The following ESRRB variants were observed in gnomAD, a reference collection of about 807,000 sequenced individuals.
The protein encoded by ESRRB is estrogen related receptor beta.
Under a neutral mutation model 46.0 loss-of-function variants are expected in ESRRB, and 16 were observed. The ratio of observed to expected loss-of-function variants is 0.35; its 90% CI spans 0.24 to 0.53. ESRRB has a LOEUF of 0.53. Among genes scored for constraint, ESRRB ranks in the 20% least tolerant of loss-of-function variants. The probability of loss-of-function intolerance (pLI) is 0.93; values close to 1 mark genes in which losing one functional copy is unlikely to be tolerated. For missense variants in ESRRB, 488 were observed against 607.4 expected, an observed-to-expected ratio of 0.80 and a Z score of 2.07; for synonymous variants, 246 against 259.6, an observed-to-expected ratio of 0.95 and a Z score of 0.50.
intron 1 of ESRRB, among the ~76,000 whole-genome samples, chr14:76,365,885 T>G (rs1013439190): frequency 6.6e-6 from 1 of 152,200 alleles, no homozygotes; most frequent in South Asian, 2.1e-4. Flanking sequence ...TAAGTCTTGC[T>G]TTTCCATTCT....
intron 3 of ESRRB, chr14:76,463,516 G>A (rs112565973): frequency 5.1e-4 from 73 of 144,458 alleles, no homozygotes; most frequent in African/African-American, 1.9e-3. Flanking sequence ...GCGCAATCTC[G>A]GCTCACTGCA....
intron 2 of ESRRB, among the ~76,000 whole-genome samples, chr14:76,441,925 A>G (rs1407496702): frequency 1.3e-5 from 2 of 152,226 alleles, no homozygotes; most frequent in African/African-American, 4.8e-5. Flanking sequence ...TAGAAGAGGC[A>G]GGCTAAGCTT....
intron 1 of ESRRB, among the ~76,000 whole-genome samples, chr14:76,327,876 G>A (rs909821653): frequency 2.0e-5 from 3 of 151,320 alleles, no homozygotes; most frequent in African/African-American, 4.9e-5. Context: ...GCTAATTTTC[G>A]TAATTTTTTT....
In ESRRB at chr14:76,484,746, A is replaced by G. The variant is rs376008948; in HGVS notation, c.850+1987A>G. 2.6e-4 allele frequency among the ~76,000 whole-genome samples: 39 copies of G among 152,358 alleles called. No individual in the cohort carries two copies. In the South Asian group the frequency reaches 8.1e-3, roughly 32 times the overall value. ...CCAACCAAGAGGGCATGGCTAGAGC[A>G]GAGTGAGTGCTAAAGGCATAGACTT... On this transcript the variant is annotated intron_variant, in intron 5 of 6. Transcript: ENST00000644823.
Position 76,499,717 on chromosome 14 carries a change from C to T in ESRRB, c.*1259C>T, listed in dbSNP as rs553609925. The T allele has an allele frequency of 3.7e-5, 28 of 755,660 alleles. 1 individual carries two copies. In the South Asian group the frequency reaches 3.8e-4, roughly 10 times the overall value. 46.8% of individuals were successfully genotyped at this position (755,660 alleles called of 1,614,324 possible). A position where few individuals can be genotyped will look rare whatever the true frequency, so the allele number is the denominator to read the frequency against. On this transcript the variant is annotated 3_prime_UTR_variant, in exon 7 of 7. Coordinates refer to ENST00000644823, the MANE Select transcript of ESRRB (RefSeq NM_001379180.1). Reference sequence around the variant, plus strand: ...CTGGCTGTGCCAGGTAACCAACCGTCTTGGTTTGTCCAGGACGTTTCTTTA... The same window carrying T: ...CTGGCTGTGCCAGGTAACCAACCGTTTTGGTTTGTCCAGGACGTTTCTTTA...
intron 1 of ESRRB, among the ~76,000 whole-genome samples, chr14:76,418,684 G>A (rs1478094936): frequency 2.0e-5 from 3 of 152,050 alleles, no homozygotes; most frequent in East Asian, 1.9e-4. Flanking sequence ...GAGCGATCTC[G>A]GCTCACTATA....
intron 3 of ESRRB, among the ~76,000 whole-genome samples, chr14:76,469,933 T>G (rs1443328090): frequency 6.4e-4 from 86 of 134,558 alleles, no homozygotes; most frequent in African/African-American, 1.6e-3. Flanking sequence ...TTTGTTGTTT[T>G]TTTTTTTTTT....
intron 1 of ESRRB, among the ~76,000 whole-genome samples, chr14:76,379,446 T>C (rs900350774): frequency 1.5e-4 from 23 of 152,112 alleles, no homozygotes; most frequent in South Asian, 8.3e-4. Context: ...GTAGGAAAAA[T>C]GCCACATGGT....
At chr14:76,373,340 C>G (rs1884668337), upstream of ESRRB, among the ~76,000 whole-genome samples, 1 of 152,136 alleles carries the variant, frequency 6.6e-6, no homozygotes, top group Non-Finnish European at 1.5e-5. Context: ...CCACCCCACT[C>G]CACCCCTGTA....
At chr14:76,369,853 T>A (rs1884578258), upstream of ESRRB, among the ~76,000 whole-genome samples, 1 of 152,198 alleles carries the variant, frequency 6.6e-6, no homozygotes, top group Admixed American at 6.5e-5. Context: ...AGAATTAATT[T>A]TCCGAAAGTT....
At chr14:76,483,075 G>C (rs983796029) in intron 5 of ESRRB, among the ~76,000 whole-genome samples, 1 of 152,204 alleles carries the variant, frequency 6.6e-6, no homozygotes, top group Non-Finnish European at 1.5e-5. Flanking sequence ...AAAGGGCAAA[G>C]AGTAGGGTTT....
chr14:76,437,163 C>G (rs1382360878), intron 1 of ESRRB, among the ~76,000 whole-genome samples: 1 of 152,134 alleles, frequency 6.6e-6, no homozygotes, highest in Non-Finnish European at 1.5e-5. Context: ...TCCCGAGTAG[C>G]TGGGACTACA....
At chr14:76,398,672 C>T (rs1885803511) in intron 1 of ESRRB, among the ~76,000 whole-genome samples, 1 of 152,144 alleles carries the variant, frequency 6.6e-6, no homozygotes, top group Non-Finnish European at 1.5e-5. Context: ...GGCTGGTTGG[C>T]ATTGGGCATT....
In ESRRB at chr14:76,387,644, G is replaced by T. The variant is rs551336821; in HGVS notation, c.50+11193G>T. On this transcript the variant is annotated intron_variant, in intron 1 of 6. Transcript: ENST00000644823. ...CGTGGCTTGCCTGACCTCCAGACGG[G>T]CTGGAAAGTGCTCAGGTCTGATTCA... is the stretch of plus-strand genomic sequence containing the variant. 8.5e-4 allele frequency among the ~76,000 whole-genome samples: 129 copies of T among 152,318 alleles called. 1 individual carries two copies. The highest frequency in any genetic ancestry group is 3.0e-3 in the African/African-American group (125 of 41,568).
intron 1 of ESRRB, among the ~76,000 whole-genome samples, chr14:76,382,203 G>A (rs1279123876): frequency 2.6e-5 from 4 of 152,342 alleles, no homozygotes; most frequent in South Asian, 4.1e-4. Flanking sequence ...TTAAGATGGG[G>A]TGACAGTGGA....
chr14:76,477,497 T>C (rs1306620456), intron 3 of ESRRB, among the ~76,000 whole-genome samples: 1 of 152,180 alleles, frequency 6.6e-6, no homozygotes, highest in Non-Finnish European at 1.5e-5. Context: ...GCAGAGTTGG[T>C]TTTACCATCG....
At chr14:76,320,454 C>T (rs571429505) in intron 1 of ESRRB, among the ~76,000 whole-genome samples, 1 of 152,194 alleles carries the variant, frequency 6.6e-6, no homozygotes. Context: ...TTCTCCTGTG[C>T]CCCCCTGGGC....
Position 76,493,222 on chromosome 14 carries a change from T to C in ESRRB, c.1120+1506T>C, listed in dbSNP as rs373150305. Among the ~76,000 whole-genome samples, 14 of 152,318 alleles carry C rather than the reference T, an allele frequency of 9.2e-5. No homozygotes were observed. In the South Asian group the frequency reaches 1.7e-3, roughly 18 times the overall value. On this transcript the variant is annotated intron_variant, in intron 6 of 6. Transcript: ENST00000644823. ...TGGGCTGGCGTGCAGCGATGCAATCTCGGCTCACTGCAACCTCTGCCTCCC... is the reference window on the plus strand; with the variant it reads ...TGGGCTGGCGTGCAGCGATGCAATCCCGGCTCACTGCAACCTCTGCCTCCC...
At chr14:76,322,074 T>C (rs1383596692) in intron 1 of ESRRB, among the ~76,000 whole-genome samples, 2 of 152,196 alleles carry the variant, frequency 1.3e-5, no homozygotes, top group Non-Finnish European at 2.9e-5. Context: ...TACATGTATA[T>C]TGAACTCAGT....
Sources: allele counts gnomAD v4.1 joint callset (sites outside exome capture counted in the v4.1 genomes callset), GRCh38; gene constraint gnomAD v4.1.1; transcripts MANE v1.5; gene names NCBI Gene and HGNC (gene_info 2026-07-23, HGNC 2026-07-21).